C1QTNF3: variants seen among roughly 807,000 people sequenced by gnomAD.
The protein encoded by C1QTNF3 is C1q and TNF related 3, also known as complement C1q tumor necrosis factor-related protein 3.
C1QTNF3 carries 26 observed loss-of-function variants against 32.6 expected under a neutral mutation model. The observed-to-expected ratio is 0.80, with a 90% confidence interval of 0.58 to 1.11. The LOEUF (loss-of-function observed/expected upper bound fraction) is 1.11, where lower values mean the gene tolerates loss of function less well. Among genes scored for constraint, C1QTNF3 ranks in the 50% least tolerant of loss-of-function variants. The probability of loss-of-function intolerance (pLI) is 0.00; values close to 1 mark genes in which losing one functional copy is unlikely to be tolerated. For missense variants in C1QTNF3, 362 were observed against 398.2 expected (o/e 0.91, Z 0.77); for synonymous variants, 155 against 146.0 (o/e 1.06, Z -0.44).
chr5:34,134,342 G>T, the C1QTNF3 span, among the ~76,000 whole-genome samples: 3 of 151,190 alleles, frequency 2.0e-5, no homozygotes, highest in African/African-American at 7.4e-5. Flanking sequence ...ACCTTGGCCA[G>T]AAAAATCTCT....
At chr5:34,021,600 G>A (rs1001817617) in intron 5 of C1QTNF3, among the ~76,000 whole-genome samples, 1 of 152,212 alleles carries the variant, frequency 6.6e-6, no homozygotes, top group African/African-American at 2.4e-5. Flanking sequence ...ATGAGTTCAT[G>A]CCCTTTGCAG....
the C1QTNF3 span, among the ~76,000 whole-genome samples, chr5:34,224,873 A>G: frequency 1.3e-5 from 2 of 152,136 alleles, no homozygotes; most frequent in African/African-American, 2.4e-5. Flanking sequence ...GCAGCCTACA[A>G]AATGGGAGAA....
chr5:34,146,774 C>T, the C1QTNF3 span, among the ~76,000 whole-genome samples: 5 of 152,124 alleles, frequency 3.3e-5, no homozygotes, highest in African/African-American at 1.2e-4. Flanking sequence ...TTGGCTAAGT[C>T]CCCAAAAGGA....
the C1QTNF3 span, among the ~76,000 whole-genome samples, chr5:34,065,347 A>G: frequency 6.6e-6 from 1 of 152,160 alleles, no homozygotes; most frequent in Non-Finnish European, 1.5e-5. Flanking sequence ...ACGCCATCCC[A>G]CACCAGTCAG....
intron 3 of C1QTNF3, among the ~76,000 whole-genome samples, chr5:34,029,363 C>T (rs1034974636): frequency 5.3e-5 from 8 of 151,572 alleles, no homozygotes; most frequent in South Asian, 4.2e-4. Flanking sequence ...TGGTCTCAAA[C>T]TCCTAGGCTC....
At chr5:34,087,525 G>A in the C1QTNF3 span, among the ~76,000 whole-genome samples, 2 of 146,484 alleles carry the variant, frequency 1.4e-5, no homozygotes, top group South Asian at 4.4e-4. Context: ...TATCTGAGAA[G>A]TATAAGCAAG....
the C1QTNF3 span, among the ~76,000 whole-genome samples, chr5:34,081,271 C>T: frequency 1.3e-5 from 2 of 151,402 alleles, no homozygotes; most frequent in Non-Finnish European, 1.5e-5. Flanking sequence ...CAAAACTTAC[C>T]GTATACCCAG....
chr5:34,228,191 G>A, the C1QTNF3 span, among the ~76,000 whole-genome samples: 1 of 151,668 alleles, frequency 6.6e-6, no homozygotes, highest in Non-Finnish European at 1.5e-5. Flanking sequence ...AACTTGCATG[G>A]TCTAAGGTAT....
chr5:34,222,748 C>A, the C1QTNF3 span, among the ~76,000 whole-genome samples: 1 of 151,856 alleles, frequency 6.6e-6, no homozygotes, highest in Non-Finnish European at 1.5e-5. Flanking sequence ...AAAGGGCTTT[C>A]CAAAAATGTC....
chr5:34,073,366 ACAT>A, the C1QTNF3 span, among the ~76,000 whole-genome samples: 1 of 152,318 alleles, frequency 6.6e-6, no homozygotes, highest in East Asian at 1.9e-4. Flanking sequence ...TGTTAATGAA[ACAT>A]GATACATATT....
chr5:34,054,170 G>A, the C1QTNF3 span, among the ~76,000 whole-genome samples: 1 of 152,206 alleles, frequency 6.6e-6, no homozygotes, highest in African/African-American at 2.4e-5. Context: ...GGATTAAAGA[G>A]AGTTGAGCTG....
intron 4 of C1QTNF3, among the ~76,000 whole-genome samples, chr5:34,027,398 A>G (rs1579600562): frequency 6.6e-6 from 1 of 152,210 alleles, no homozygotes; most frequent in South Asian, 2.1e-4. Context: ...TAAGTGATCA[A>G]TTACAAAGTG....
At chr5:34,171,066 C>A in the C1QTNF3 span, among the ~76,000 whole-genome samples, 13 of 151,978 alleles carry the variant, frequency 8.6e-5, no homozygotes, top group Admixed American at 5.9e-4. Context: ...GCTGTGACAG[C>A]CCTTCCTTTG....
the C1QTNF3 span, among the ~76,000 whole-genome samples, chr5:34,138,696 C>A: frequency 6.6e-6 from 1 of 152,194 alleles, no homozygotes; most frequent in African/African-American, 2.4e-5. Flanking sequence ...ACCCACACAG[C>A]TGAATCTTTG....
chr5:34,144,417 T>A, the C1QTNF3 span, among the ~76,000 whole-genome samples: 1 of 152,322 alleles, frequency 6.6e-6, no homozygotes, highest in South Asian at 2.1e-4. Context: ...AACTTGACAC[T>A]AGACCAAATG....
chr5:34,056,038 A>C, the C1QTNF3 span, among the ~76,000 whole-genome samples: 1 of 152,190 alleles, frequency 6.6e-6, no homozygotes, highest in Non-Finnish European at 1.5e-5. Context: ...GAATTTCAGA[A>C]ACCTCCCTTC....
the C1QTNF3 span, among the ~76,000 whole-genome samples, chr5:34,187,051 G>T: frequency 6.6e-6 from 1 of 152,312 alleles, no homozygotes; most frequent in East Asian, 1.9e-4. Flanking sequence ...TGAATCATGG[G>T]GATGGTTCCC....
the C1QTNF3 span, among the ~76,000 whole-genome samples, chr5:34,084,817 TCTG>T: frequency 3.1e-4 from 35 of 112,528 alleles, no homozygotes; most frequent in African/African-American, 6.0e-4. Context: ...TTGTTTTTTT[TCTG>T]TGCAGAAGCT....
chr5:34,021,633 C>A (rs2112094155), intron 5 of C1QTNF3, among the ~76,000 whole-genome samples: 1 of 152,288 alleles, frequency 6.6e-6, no homozygotes, highest in East Asian at 1.9e-4. Context: ...AGCTGTAAGT[C>A]ATCATTCTCA....
Sources: gnomAD v4.1 joint callset for allele counts (sites outside exome capture counted in the v4.1 genomes callset) on GRCh38, gnomAD v4.1.1 for gene constraint, MANE v1.5 for transcripts, NCBI Gene and HGNC (gene_info 2026-07-23, HGNC 2026-07-21) for gene names.